GBA1: variants seen among roughly 807,000 people sequenced by gnomAD.
GBA1 encodes the protein glucosylceramidase beta 1.
the GBA1 span, chr1:155,236,140 G>T: frequency 9.7e-7 from 1 of 1,035,286 alleles, no homozygotes; most frequent in Non-Finnish European, 1.5e-6. Flanking sequence ...CAAAAGGGCA[G>T]GCTAGCTGGG....
At chr1:155,236,751 TTGTGTGTGTATGTGTGTGTATGTATG>T in the GBA1 span, among the ~76,000 whole-genome samples, 1 of 151,388 alleles carries the variant, frequency 6.6e-6, no homozygotes, top group African/African-American at 2.4e-5. Context: ...CCCAGCTAAT[TTGTGTGTGTATGTGTGTGTATGTATG>T]TGTGTGTGTG....
At chr1:155,239,496 A>G in the GBA1 span, 2 of 1,068,830 alleles carry the variant, frequency 1.9e-6, no homozygotes. Context: ...ACACCACTGC[A>G]CTCCTGTCTC....
chr1:155,235,782 T>A, the GBA1 span: 1 of 1,614,126 alleles, frequency 6.2e-7, no homozygotes, highest in Non-Finnish European at 8.5e-7. Context: ...CCCAATTGGG[T>A]CCTCCTTCGG....
At chr1:155,238,378 T>A in the GBA1 span, 1 of 1,511,456 alleles carries the variant, frequency 6.6e-7, no homozygotes, top group African/African-American at 1.5e-5. Context: ...GTGCATCCGG[T>A]TCAGCCATTA....
the GBA1 span, chr1:155,239,582 T>C: frequency 1.9e-6 from 3 of 1,613,272 alleles, no homozygotes; most frequent in Non-Finnish European, 2.5e-6. Flanking sequence ...AAAGTTTCAA[T>C]GGCTCTATGT....
the GBA1 span, among the ~76,000 whole-genome samples, chr1:155,236,630 C>T: frequency 1.3e-5 from 2 of 151,990 alleles, no homozygotes; most frequent in Non-Finnish European, 2.9e-5. Context: ...CTCTGTCACT[C>T]GGGCTGGAGT....
chr1:155,238,902 G>C, the GBA1 span: 1 of 519,010 alleles, frequency 1.9e-6, no homozygotes, highest in East Asian at 4.2e-5. Context: ...AAATGTCAGG[G>C]ATGGGCAGAA....
At chr1:155,241,629 A>G in the GBA1 span, among the ~76,000 whole-genome samples, 1 of 152,228 alleles carries the variant, frequency 6.6e-6, no homozygotes, top group Non-Finnish European at 1.5e-5. Flanking sequence ...TGTGTGAGGC[A>G]TGGAAGTCAG....
At chr1:155,242,092 C>G in the GBA1 span, among the ~76,000 whole-genome samples, 3 of 152,186 alleles carry the variant, frequency 2.0e-5, no homozygotes, top group Non-Finnish European at 4.4e-5. Context: ...CAGCTCTCAG[C>G]CCATTTCCTT....
the GBA1 span, among the ~76,000 whole-genome samples, chr1:155,236,017 G>A: frequency 6.6e-6 from 1 of 152,130 alleles, no homozygotes; most frequent in Admixed American, 6.5e-5. Context: ...CTCAAGGGGA[G>A]CTGAGAAGTC....
the GBA1 span, chr1:155,238,565 A>G: frequency 6.2e-7 from 1 of 1,613,490 alleles, no homozygotes; most frequent in Admixed American, 1.7e-5. Flanking sequence ...GCAACTGGAA[A>G]TCATCAGGGG....
At chr1:155,237,536 T>C in the GBA1 span, 1 of 1,613,848 alleles carries the variant, frequency 6.2e-7, no homozygotes, top group Admixed American at 1.7e-5. Flanking sequence ...CAGCTGTCAC[T>C]GCCCAGAACT....
the GBA1 span, chr1:155,241,296 G>C: frequency 3.1e-6 from 2 of 655,426 alleles, no homozygotes; most frequent in Non-Finnish European, 5.6e-6. Flanking sequence ...AGCGTCACAT[G>C]ACACAGGAAG....
the GBA1 span, chr1:155,237,401 G>T: frequency 6.2e-7 from 1 of 1,614,020 alleles, no homozygotes; most frequent in Admixed American, 1.7e-5. Context: ...GGCGGACATT[G>T]TGGTGAGTAC....
the GBA1 span, among the ~76,000 whole-genome samples, chr1:155,243,036 C>G: frequency 6.6e-6 from 1 of 152,362 alleles, no homozygotes; most frequent in Admixed American, 6.5e-5. Flanking sequence ...TCCTACCTCA[C>G]AGAATTGTTG....
chr1:155,235,973 A>C, the GBA1 span: 7 of 1,049,410 alleles, frequency 6.7e-6, no homozygotes, highest in Non-Finnish European at 1.0e-5. Flanking sequence ...ATTCCTTAGT[A>C]GCTAAGGAGT....
At chr1:155,237,319 A>T in the GBA1 span, 1 of 1,613,910 alleles carries the variant, frequency 6.2e-7, no homozygotes, top group Non-Finnish European at 8.5e-7. Context: ...TCACTGGAGC[A>T]CCATGGAGGT....
chr1:155,236,344 G>T, the GBA1 span: 1 of 1,614,230 alleles, frequency 6.2e-7, no homozygotes, highest in Non-Finnish European at 8.5e-7. Context: ...CTGAGGCAAA[G>T]AGCATGGTGT....
At chr1:155,239,003 G>A in the GBA1 span, 9 of 350,062 alleles carry the variant, frequency 2.6e-5, no homozygotes, top group African/African-American at 1.9e-4. Flanking sequence ...CAGATCACGA[G>A]GTCAGGAGTT....
Sources: gnomAD v4.1 joint callset for allele counts (sites outside exome capture counted in the v4.1 genomes callset) on GRCh38, gnomAD v4.1.1 for gene constraint, MANE v1.5 for transcripts, NCBI Gene and HGNC (gene_info 2026-07-23, HGNC 2026-07-21) for gene names.